CCDC85C: variants seen among roughly 807,000 people sequenced by gnomAD.
CCDC85C encodes the protein coiled-coil domain containing 85C.
CCDC85C carries 18 observed loss-of-function variants against 38.3 expected under a neutral mutation model. The observed-to-expected ratio is 0.47, with a 90% CI of 0.33 to 0.70. The LOEUF is 0.70. Ranked by LOEUF, CCDC85C falls within the 30% of genes least tolerant of loss-of-function variation. The pLI, the probability that CCDC85C is intolerant of heterozygous loss-of-function variation, is 0.03. For synonymous variants in CCDC85C, 264 were observed against 293.8 expected, an observed-to-expected ratio of 0.90 and a Z score of 1.04; for missense variants, 566 against 621.2, an observed-to-expected ratio of 0.91 and a Z score of 0.94.
intron 1 of CCDC85C, among the ~76,000 whole-genome samples, chr14:99,557,296 T>A (rs1898030907): frequency 6.6e-6 from 1 of 152,186 alleles, no homozygotes; most frequent in Non-Finnish European, 1.5e-5. Context: ...CCAGGGCACG[T>A]GGTCTCAGAG....
intron 1 of CCDC85C, among the ~76,000 whole-genome samples, chr14:99,600,707 C>CT (rs1436287759): frequency 1.4e-5 from 1 of 69,828 alleles, no homozygotes; most frequent in Non-Finnish European, 5.7e-5. Flanking sequence ...GATAATACTG[C>CT]TTCCCCAGGG....
intron 1 of CCDC85C, among the ~76,000 whole-genome samples, chr14:99,567,391 A>G (rs1371926492): frequency 2.6e-5 from 4 of 152,150 alleles, no homozygotes; most frequent in Admixed American, 6.5e-5. Context: ...GGGCGTGACA[A>G]CCAGGGGAGG....
At chr14:99,556,016 G>C (rs1256665406) in intron 1 of CCDC85C, among the ~76,000 whole-genome samples, 1 of 152,222 alleles carries the variant, frequency 6.6e-6, no homozygotes, top group Non-Finnish European at 1.5e-5. Context: ...GAACCGGTCT[G>C]TACTGTCAAT....
Position 99,503,109 on chromosome 14 carries a change from G to GCAGT in CCDC85C, c.*12133_*12136dup. 1 of 1,092,216 alleles carries GCAGT rather than the reference G, an allele frequency of 9.2e-7. No homozygotes were observed. Among genetic ancestry groups the GCAGT allele is most frequent in the Non-Finnish European group, 1.4e-6 (1 of 713,898 alleles). The allele number at this position is 1,092,216 out of a possible 1,614,324, so 67.7% of individuals were successfully genotyped here. ...AAGCAGGGGGTGTTCGCCGAAACTC[G>GCAGT]CAGTCCGACTGCTTGTCGGTGGGGA... On this transcript the variant is annotated 3_prime_UTR_variant, in exon 6 of 6. Transcript: ENST00000380243.
chr14:99,596,460 A>G (rs1024920201), intron 1 of CCDC85C, among the ~76,000 whole-genome samples: 2 of 151,488 alleles, frequency 1.3e-5, no homozygotes, highest in Non-Finnish European at 2.9e-5. Context: ...GGCAAACCCA[A>G]GAACACTTAC....
intron 1 of CCDC85C, among the ~76,000 whole-genome samples, chr14:99,561,039 C>A (rs941565): frequency 0.56 from 85,501 of 152,118 alleles, 24,398 homozygotes; most frequent in African/African-American, 0.66. Flanking sequence ...CAGGGCAGGG[C>A]TGCATTTGCA....
chr14:99,562,115 C>T (rs1299757365), intron 1 of CCDC85C, among the ~76,000 whole-genome samples: 2 of 152,124 alleles, frequency 1.3e-5, no homozygotes, highest in African/African-American at 4.8e-5. Flanking sequence ...GTCATCATGG[C>T]CCACGTCTTC....
At chr14:99,585,038 T>A (rs2055012330) in intron 1 of CCDC85C, among the ~76,000 whole-genome samples, 1 of 152,042 alleles carries the variant, frequency 6.6e-6, no homozygotes, top group Non-Finnish European at 1.5e-5. Context: ...GAGGCTGCAG[T>A]GAGCTAAGAT....
intron 1 of CCDC85C, among the ~76,000 whole-genome samples, chr14:99,562,040 C>G (rs1898126879): frequency 6.6e-6 from 1 of 152,190 alleles, no homozygotes; most frequent in African/African-American, 2.4e-5. Flanking sequence ...TCAGCTCCAC[C>G]TATTCACGGA....
At chr14:99,598,452 G>C (rs756326216) in intron 1 of CCDC85C, among the ~76,000 whole-genome samples, 2 of 152,182 alleles carry the variant, frequency 1.3e-5, no homozygotes, top group African/African-American at 2.4e-5. Context: ...AGCCAGCCTC[G>C]TGCAGAGAAG....
chr14:99,538,137 G>C (rs1897641820), intron 1 of CCDC85C, among the ~76,000 whole-genome samples: 1 of 152,192 alleles, frequency 6.6e-6, no homozygotes, highest in South Asian at 2.1e-4. Context: ...TGCATCTGAT[G>C]CCTTGCAAAG....
At chr14:99,562,857 A>G (rs1898144536) in intron 1 of CCDC85C, among the ~76,000 whole-genome samples, 1 of 150,200 alleles carries the variant, frequency 6.7e-6, no homozygotes, top group Admixed American at 6.6e-5. Context: ...TCACCCTCAT[A>G]TGCACACACA....
chr14:99,530,490 C>T (rs1897471587), intron 2 of CCDC85C, among the ~76,000 whole-genome samples: 1 of 152,168 alleles, frequency 6.6e-6, no homozygotes, highest in African/African-American at 2.4e-5. Context: ...TCCGGAGGAA[C>T]CCGGGCTCAG....
At chr14:99,586,017 C>T (rs1191634344) in intron 1 of CCDC85C, among the ~76,000 whole-genome samples, 59 of 152,226 alleles carry the variant, frequency 3.9e-4, no homozygotes, top group Non-Finnish European at 2.9e-5. Context: ...GTAACAATGA[C>T]CCCACATGAC....
At position 99,516,687 on chromosome 14, in the gene CCDC85C, G is replaced by A. The variant is rs1173988291; in HGVS notation, c.1071+401C>T. On this transcript the variant is annotated intron_variant, in intron 4 of 5. Transcript: ENST00000380243. The surrounding 1 kb of genome is among the most constrained non-coding windows in gnomAD (Gnocchi z 5.5). Reference sequence around the variant, plus strand: ...ACGTAGGAGGAAGGGGGGCATGGGAGTGGGGACTGTGCTCAGGTGTGCACA... The same window carrying A: ...ACGTAGGAGGAAGGGGGGCATGGGAATGGGGACTGTGCTCAGGTGTGCACA... Among the ~76,000 whole-genome samples, 4 of 152,146 alleles carry A rather than the reference G, an allele frequency of 2.6e-5. No individual in the cohort carries two copies. Among genetic ancestry groups the A allele is most frequent in the African/African-American group, 9.7e-5 (4 of 41,412 alleles).
intron 1 of CCDC85C, among the ~76,000 whole-genome samples, chr14:99,564,739 G>A (rs1271578468): frequency 6.6e-6 from 1 of 152,188 alleles, no homozygotes; most frequent in Non-Finnish European, 1.5e-5. Flanking sequence ...TCTCACAACA[G>A]CAGGAACAAC....
rs1327497276 is a variant in CCDC85C, at chr14:99,603,072, G to C, written c.793+95C>G. 2.4e-6 allele frequency: 3 copies of C among 1,252,512 alleles called. No individual in the cohort carries two copies. The highest frequency in any genetic ancestry group is 3.1e-5 in the African/African-American group (2 of 64,270). The allele number at this position is 1,252,512 out of a possible 1,614,324, so 77.6% of individuals were successfully genotyped here. On this transcript the variant is annotated intron_variant, in intron 1 of 5. Transcript: ENST00000380243. This position sits in a 1 kb window ranked among gnomAD's most constrained non-coding sequence, Gnocchi z 7.5. ...GAGGAGTCTGGAGTGGCGGCCGCAT[G>C]AGTGGGACAGCCAGGGACCACCTCC...
In CCDC85C at chr14:99,545,014, A is replaced by G. The variant is rs79782905; in HGVS notation, c.794-8926T>C. ...ATTAGAAATCAAACACGCCGAGGACACCCTTCCCAGTGCCTCCAGGGAAAA... is the reference window on the plus strand; with the variant it reads ...ATTAGAAATCAAACACGCCGAGGACGCCCTTCCCAGTGCCTCCAGGGAAAA... On this transcript the variant is annotated intron_variant, in intron 1 of 5. Transcript: ENST00000380243. This position sits in a 1 kb window ranked among gnomAD's most constrained non-coding sequence, Gnocchi z 4.7. 4.9e-4 allele frequency among the ~76,000 whole-genome samples: 74 copies of G among 152,178 alleles called. 1 individual carries two copies. The East Asian group carries it at 0.013, about 26-fold the overall frequency.
intron 1 of CCDC85C, among the ~76,000 whole-genome samples, chr14:99,574,052 A>G (rs1348884315): frequency 6.6e-6 from 1 of 152,156 alleles, no homozygotes; most frequent in Admixed American, 6.5e-5. Context: ...GAATGTCCTA[A>G]TTGACAGGAG....
Sources: allele counts gnomAD v4.1 joint callset (sites outside exome capture counted in the v4.1 genomes callset), GRCh38; gene constraint gnomAD v4.1.1; non-coding constraint Gnocchi (gnomAD v3.1); transcripts MANE v1.5; gene names NCBI Gene and HGNC (gene_info 2026-07-23, HGNC 2026-07-21).